ROBO2: variants seen among roughly 807,000 people sequenced by gnomAD.
ROBO2 encodes roundabout guidance receptor 2.
ROBO2 carries 53 observed loss-of-function variants against 160.8 expected under a neutral mutation model. That is an observed-to-expected ratio of 0.33 (90% CI 0.26 to 0.41). ROBO2 has a LOEUF of 0.41. Ranked by LOEUF, ROBO2 falls within the 10% of genes least tolerant of loss-of-function variation. The pLI, the probability that ROBO2 is intolerant of heterozygous loss-of-function variation, is 1.00. For missense variants in ROBO2, 1,577 were observed against 1,722.4 expected (o/e 0.92, Z 1.49); for synonymous variants, 664 against 611.7 (o/e 1.09, Z -1.26).
chr3:76,081,982 A>AT (rs1246757425), intron 2 of ROBO2, among the ~76,000 whole-genome samples: 2 of 152,096 alleles, frequency 1.3e-5, no homozygotes, highest in Non-Finnish European at 2.9e-5. Context: ...CAAGCCACAG[A>AT]TTTTTGTGAC....
chr3:76,157,163 T>G lies in ROBO2; in HGVS notation c.109+219561T>G, dbSNP rs185043179. Among the ~76,000 whole-genome samples the G allele has an allele frequency of 6.6e-4, 100 of 152,312 alleles. 1 individual carries two copies. Among genetic ancestry groups the G allele is most frequent in the African/African-American group, 2.2e-3 (93 of 41,572 alleles). ...TCTGTAAGATTTCTTTAATGTCTTC[T>G]CAGCTTATCAGTAAGGTATGCATCC... On this transcript the variant is annotated intron_variant, in intron 2 of 26. Transcript: ENST00000487694.
chr3:75,992,726 C>T (rs566115267), intron 2 of ROBO2, among the ~76,000 whole-genome samples: 1 of 152,320 alleles, frequency 6.6e-6, no homozygotes, highest in South Asian at 2.1e-4. Context: ...GCCACAGGCA[C>T]TCAATGCCAG....
At chr3:76,599,793 G>C (rs1274310541) in intron 2 of ROBO2, among the ~76,000 whole-genome samples, 1 of 152,064 alleles carries the variant, frequency 6.6e-6, no homozygotes, top group African/African-American at 2.4e-5. Flanking sequence ...TGTTTCTCTA[G>C]TGATCAGTGA....
At chr3:76,619,704 A>G (rs2088907018) in intron 2 of ROBO2, among the ~76,000 whole-genome samples, 1 of 152,220 alleles carries the variant, frequency 6.6e-6, no homozygotes, top group Non-Finnish European at 1.5e-5. Flanking sequence ...TGCAAAACCT[A>G]CTGAGGAGGA....
At chr3:76,274,836 CA>C (rs76078360) in intron 2 of ROBO2, among the ~76,000 whole-genome samples, 12,736 of 79,288 alleles carry the variant, frequency 0.16, 512 homozygotes, top group Middle Eastern at 0.32. Flanking sequence ...GACTCCTTTT[CA>C]AAAAAAAAAA....
At chr3:76,253,090 A>G (rs1345556982) in intron 2 of ROBO2, among the ~76,000 whole-genome samples, 1 of 152,060 alleles carries the variant, frequency 6.6e-6, no homozygotes, top group African/African-American at 2.4e-5. Context: ...TCAATGTTTG[A>G]TTAAATAACT....
intron 2 of ROBO2, among the ~76,000 whole-genome samples, chr3:76,215,307 T>G (rs1013921421): frequency 6.6e-6 from 1 of 152,142 alleles, no homozygotes; most frequent in Admixed American, 6.5e-5. Context: ...CAAAGCTGGA[T>G]GGAGAATGAC....
intron 13 of ROBO2, among the ~76,000 whole-genome samples, chr3:77,571,792 C>T (rs2093642834): frequency 6.6e-6 from 1 of 151,576 alleles, no homozygotes. Flanking sequence ...AAATGAGCTC[C>T]AAAATTTAGT....
chr3:77,021,809 T>G (rs2062654704), intron 2 of ROBO2, among the ~76,000 whole-genome samples: 1 of 152,182 alleles, frequency 6.6e-6, no homozygotes, highest in East Asian at 1.9e-4. Context: ...TTTAGCCCCC[T>G]TCCTCCCTCT....
chr3:77,120,737 A>G lies in ROBO2; in HGVS notation c.388+22397A>G, dbSNP rs192308920. Among the ~76,000 whole-genome samples, 796 of 152,256 alleles carry G rather than the reference A, an allele frequency of 5.2e-3. 7 individuals carry two copies. The highest frequency in any genetic ancestry group is 0.023 in the South Asian group (109 of 4,820). ...TAGCTAAGTTTGAATGTGGACTTAA[A>G]TAAAAACCAAAACTAAAAGATAAGA... On this transcript the variant is annotated intron_variant, in intron 2 of 25. Coordinates refer to ENST00000461745, the Ensembl canonical transcript of ROBO2.
At chr3:76,228,768 C>T (rs1232074523) in intron 2 of ROBO2, among the ~76,000 whole-genome samples, 1 of 152,122 alleles carries the variant, frequency 6.6e-6, no homozygotes, top group African/African-American at 2.4e-5. Flanking sequence ...TTTTACTTCT[C>T]AACAAAATAA....
chr3:76,425,532 G>A (rs964535753), intron 2 of ROBO2, among the ~76,000 whole-genome samples: 2 of 136,978 alleles, frequency 1.5e-5, no homozygotes, highest in African/African-American at 5.2e-5. Flanking sequence ...GTGTCTGTGT[G>A]TGTGTGTGTC....
chr3:76,109,887 T>C (rs1326756627), intron 2 of ROBO2, among the ~76,000 whole-genome samples: 2 of 152,034 alleles, frequency 1.3e-5, no homozygotes, highest in Admixed American at 1.3e-4. Flanking sequence ...GTGCCTTTTG[T>C]TTAGTTCCCA....
At chr3:76,310,021 C>T (rs1196431374) in intron 2 of ROBO2, among the ~76,000 whole-genome samples, 2 of 151,784 alleles carry the variant, frequency 1.3e-5, no homozygotes, top group African/African-American at 2.4e-5. Flanking sequence ...GGGGTCTCAC[C>T]ATGTTGCCCA....
In ROBO2 at chr3:77,051,653, A is replaced by C. The variant is rs1386567983; in HGVS notation, c.61+10807A>C. Reference sequence around the variant, plus strand: ...GCGGCTACACATGACATGCAAATAAAATGACCAGGCAATTGCTTGTATTGT... The same window carrying C: ...GCGGCTACACATGACATGCAAATAACATGACCAGGCAATTGCTTGTATTGT... On this transcript the variant is annotated intron_variant, in intron 1 of 25. Transcript: ENST00000461745. 3.3e-5 allele frequency among the ~76,000 whole-genome samples: 5 copies of C among 152,234 alleles called. No individual in the cohort carries two copies. The South Asian group carries it at 1.0e-3, about 31-fold the overall frequency.
At chr3:77,473,248 G>A (rs1338922612) in intron 2 of ROBO2, among the ~76,000 whole-genome samples, 1 of 151,816 alleles carries the variant, frequency 6.6e-6, no homozygotes, top group Non-Finnish European at 1.5e-5. Context: ...TGGTCGGCAC[G>A]ATGTTGCCTG....
intron 2 of ROBO2, among the ~76,000 whole-genome samples, chr3:76,410,749 G>T (rs2075444696): frequency 6.6e-6 from 1 of 152,132 alleles, no homozygotes; most frequent in Non-Finnish European, 1.5e-5. Context: ...AGATATATGA[G>T]AATATACATG....
At position 76,355,603 on chromosome 3, in the gene ROBO2, A is replaced by G. The variant is rs79883180; in HGVS notation, c.109+418001A>G. Among the ~76,000 whole-genome samples the G allele has an allele frequency of 1.3e-3, 191 of 151,916 alleles. 1 individual carries two copies. Among genetic ancestry groups the G allele is most frequent in the African/African-American group, 4.4e-3 (181 of 41,524 alleles). The stretch of plus-strand genomic sequence containing the variant: ...CTTAAAATTCACGGATAATAAGTAT[A>G]TCTAACACTGAAATTGGAATCATGT... On this transcript the variant is annotated intron_variant, in intron 2 of 26. Coordinates refer to the ROBO2 transcript ENST00000487694.
intron 2 of ROBO2, among the ~76,000 whole-genome samples, chr3:76,920,980 T>TGG (rs2076618876): frequency 1.3e-5 from 2 of 152,260 alleles, no homozygotes; most frequent in Admixed American, 6.5e-5. Context: ...AACTATAAAA[T>TGG]CTATATGTTC....
Sources: gnomAD v4.1 joint callset for allele counts (sites outside exome capture counted in the v4.1 genomes callset) on GRCh38, gnomAD v4.1.1 for gene constraint, MANE v1.5 for transcripts, NCBI Gene and HGNC (gene_info 2026-07-23, HGNC 2026-07-21) for gene names.